ATP10D: variants seen among roughly 807,000 people sequenced by gnomAD.
ATP10D encodes ATPase phospholipid transporting 10D (putative).
ATP10D carries 89 observed loss-of-function variants against 144.8 expected under a neutral mutation model. The observed-to-expected ratio is 0.61, with a 90% CI of 0.52 to 0.73. ATP10D has a LOEUF of 0.73. Among genes scored for constraint, ATP10D ranks in the 30% least tolerant of loss-of-function variants. ATP10D has a pLI of 0.00. For synonymous variants in ATP10D, 571 were observed against 615.1 expected, an observed-to-expected ratio of 0.93 and a Z score of 1.06; for missense variants, 1,603 against 1,714.8, an observed-to-expected ratio of 0.93 and a Z score of 1.15.
At chr4:47,542,892 G>C (rs1472283519) in intron 9 of ATP10D, among the ~76,000 whole-genome samples, 1 of 152,204 alleles carries the variant, frequency 6.6e-6, no homozygotes, top group Non-Finnish European at 1.5e-5. Flanking sequence ...AGTAATAGCT[G>C]AGCTACCTGG....
intron 4 of ATP10D, among the ~76,000 whole-genome samples, chr4:47,525,169 C>T (rs867718773): frequency 2.0e-5 from 3 of 152,166 alleles, no homozygotes; most frequent in African/African-American, 4.8e-5. Flanking sequence ...CATATATTCT[C>T]GGAGTGTTCA....
At chr4:47,525,499 T>C (rs878922550) in intron 4 of ATP10D, 58 bp from the exon 5 acceptor site, 181 of 1,226,918 alleles carry the variant, frequency 1.5e-4, no homozygotes, top group Middle Eastern at 1.1e-3. Flanking sequence ...GATAAAACAC[T>C]TCAATATTAA....
At chr4:47,527,231 T>G (rs892770322) in intron 5 of ATP10D, among the ~76,000 whole-genome samples, 2 of 152,086 alleles carry the variant, frequency 1.3e-5, no homozygotes, top group Admixed American at 6.6e-5. Flanking sequence ...CAAACAGTAC[T>G]GCAACAATGG....
rs1049012230 is a variant in ATP10D, at chr4:47,500,777, C to G, written c.-37-11727C>G. ...ACTTGTGGAAGTTCTCTTTGGATAG[C>G]TTTGGTATTCTCAGAAAAATAGAAA... is the stretch of plus-strand genomic sequence containing the variant. On this transcript the variant is annotated intron_variant, in intron 1 of 22. Coordinates refer to ENST00000273859, the MANE Select transcript of ATP10D (RefSeq NM_020453.4). Among the ~76,000 whole-genome samples the G allele has an allele frequency of 6.6e-5, 10 of 152,188 alleles. No individual in the cohort carries two copies. The South Asian group carries it at 2.1e-3, about 32-fold the overall frequency.
chr4:47,512,391 C>T, intron 1 of ATP10D, 113 bp from the exon 2 acceptor site: 1 of 659,606 alleles, frequency 1.5e-6, no homozygotes, highest in Admixed American at 3.1e-5. Flanking sequence ...TTCTCCCTTA[C>T]ATGTTGAACC....
chr4:47,535,506 T>C lies in ATP10D; in HGVS notation c.777-3T>C, dbSNP rs772148807. 3.1e-6 allele frequency: 5 copies of C among 1,606,450 alleles called. No individual in the cohort carries two copies. Among genetic ancestry groups the C allele is most frequent in the Middle Eastern group, 3.3e-4 (2 of 6,030 alleles). On this transcript the variant is annotated splice_region_variant and splice_polypyrimidine_tract_variant and intron_variant, in intron 5 of 22. Coordinates refer to ENST00000273859, the MANE Select transcript of ATP10D (RefSeq NM_020453.4). ...GTGAATTTATATGCTGTCTTTCTTATAGAGAACATTCCAACAAAGAACGCG... is the reference window on the plus strand; with the variant it reads ...GTGAATTTATATGCTGTCTTTCTTACAGAGAACATTCCAACAAAGAACGCG...
intron 21 of ATP10D, among the ~76,000 whole-genome samples, chr4:47,584,452 G>C (rs1323079150): frequency 1.3e-5 from 2 of 152,112 alleles, no homozygotes; most frequent in Admixed American, 6.5e-5. Flanking sequence ...GAGTGCAGTG[G>C]CACTATCTCT....
intron 13 of ATP10D, among the ~76,000 whole-genome samples, chr4:47,559,437 T>G (rs1029584178): frequency 1.1e-4 from 16 of 152,240 alleles, no homozygotes; most frequent in African/African-American, 3.6e-4. Context: ...AATAAGCTCT[T>G]AATACTCTTT....
intron 20 of ATP10D, 104 bp from the exon 21 acceptor site, chr4:47,581,856 C>T: frequency 1.2e-6 from 1 of 845,314 alleles, no homozygotes; most frequent in Non-Finnish European, 2.0e-6. Context: ...TTCACAGGGA[C>T]CTTGTAGAAG....
intron 21 of ATP10D, among the ~76,000 whole-genome samples, chr4:47,585,013 T>C (rs1251011453): frequency 1.3e-5 from 2 of 152,188 alleles, no homozygotes; most frequent in Non-Finnish European, 2.9e-5. Context: ...AAGCATGATA[T>C]GTGCCACCAA....
chr4:47,504,298 G>A (rs1327056836), intron 1 of ATP10D, among the ~76,000 whole-genome samples: 1 of 152,100 alleles, frequency 6.6e-6, no homozygotes, highest in Admixed American at 6.5e-5. Context: ...TTTGTAGATA[G>A]AGGATAGTAG....
At chr4:47,552,382 TG>T (rs1280973383) in intron 10 of ATP10D, among the ~76,000 whole-genome samples, 1 of 152,226 alleles carries the variant, frequency 6.6e-6, no homozygotes, top group Non-Finnish European at 1.5e-5. Flanking sequence ...ATCTGGAGGC[TG>T]GAAAGTCCAA....
At chr4:47,506,188 T>G (rs1453631429) in intron 1 of ATP10D, among the ~76,000 whole-genome samples, 1 of 152,208 alleles carries the variant, frequency 6.6e-6, no homozygotes, top group Admixed American at 6.5e-5. Context: ...ATTTAAAATT[T>G]TATATATTAA....
chr4:47,570,536 G>A (rs1719896739), intron 16 of ATP10D, among the ~76,000 whole-genome samples: 1 of 152,172 alleles, frequency 6.6e-6, no homozygotes, highest in Non-Finnish European at 1.5e-5. Context: ...AGGTACAGTG[G>A]CTCACGCCTG....
chr4:47,575,339 C>G (rs1446310692), intron 18 of ATP10D, among the ~76,000 whole-genome samples: 2 of 152,094 alleles, frequency 1.3e-5, no homozygotes, highest in Non-Finnish European at 2.9e-5. Context: ...TTATAGTGAA[C>G]TTAGTTTGTC....
At chr4:47,488,608 TAAGC>T (rs1238877464) in intron 1 of ATP10D, among the ~76,000 whole-genome samples, 1,029 of 21,488 alleles carry the variant, frequency 0.048, 9 homozygotes, top group African/African-American at 0.12. Flanking sequence ...AGAAATATAA[TAAGC>T]AAAAAAAAAA....
chr4:47,559,520 C>A (rs1176330109), intron 13 of ATP10D, among the ~76,000 whole-genome samples: 11 of 152,044 alleles, frequency 7.2e-5, no homozygotes, highest in Admixed American at 7.2e-4. Context: ...ATTGATTATT[C>A]TTTATTGAGA....
At position 47,572,216 on chromosome 4, in the gene ATP10D, C is replaced by G; in HGVS notation, c.3226C>G (p.Gln1076Glu). ...AGACATTGGGATAGGGGTCTCAGGT[C>G]AAGAAGGCATGCAGGTGAGTGGATA... ...VADIGIGVSG[Q>E]EGMQAVMASD... Residue 1076 changes from glutamine (Q) to glutamate (E), a missense_variant, in exon 17 of 23, where the codon CAA becomes GAA. Coordinates refer to ENST00000273859, the MANE Select transcript of ATP10D (RefSeq NM_020453.4). 6 of 1,613,964 alleles carry G rather than the reference C, an allele frequency of 3.7e-6. No homozygotes were observed. Among genetic ancestry groups the G allele is most frequent in the Non-Finnish European group, 5.1e-6 (6 of 1,179,972 alleles).
chr4:47,516,657 A>C (rs995662064), intron 3 of ATP10D, among the ~76,000 whole-genome samples: 5 of 152,194 alleles, frequency 3.3e-5, no homozygotes, highest in Non-Finnish European at 7.3e-5. Flanking sequence ...TGACTTTCAC[A>C]ATGTTTGTTT....
Sources: gnomAD v4.1 joint callset for allele counts (sites outside exome capture counted in the v4.1 genomes callset) on GRCh38, gnomAD v4.1.1 for gene constraint, MANE v1.5 for transcripts, NCBI Gene and HGNC (gene_info 2026-07-23, HGNC 2026-07-21) for gene names.